The following DCC variants were observed in gnomAD, a reference collection of about 807,000 sequenced individuals.
DCC encodes the protein DCC netrin 1 receptor.
In DCC, 58 loss-of-function variants were observed where a neutral mutation model predicts 172.5. The observed-to-expected ratio is 0.34, with a 90% CI of 0.27 to 0.42. The LOEUF (loss-of-function observed/expected upper bound fraction) is 0.42. Ranked by LOEUF, DCC falls within the 10% of genes least tolerant of loss-of-function variation. DCC has a pLI of 1.00. For missense variants in DCC, 1,740 were observed against 1,791.0 expected (o/e 0.97, Z 0.51); for synonymous variants, 709 against 644.5 (o/e 1.10, Z -1.52).
chr18:52,584,980 A>G (rs1283401978), intron 1 of DCC, among the ~76,000 whole-genome samples: 1 of 152,200 alleles, frequency 6.6e-6, no homozygotes, highest in Non-Finnish European at 1.5e-5. Flanking sequence ...ATTACTAAAC[A>G]TTTAGAACTT....
chr18:53,278,894 A>G (rs931880161), intron 12 of DCC, among the ~76,000 whole-genome samples: 1 of 152,126 alleles, frequency 6.6e-6, no homozygotes, highest in Non-Finnish European at 1.5e-5. Context: ...TAAGTGTTGG[A>G]ATTGTGACTT....
chr18:52,756,186 C>T (rs1243383670), intron 2 of DCC, among the ~76,000 whole-genome samples: 1 of 152,188 alleles, frequency 6.6e-6, no homozygotes, highest in African/African-American at 2.4e-5. Flanking sequence ...TAAAATGCTG[C>T]AGTGTTTCTG....
chr18:52,947,460 G>A (rs1568204503), intron 5 of DCC, among the ~76,000 whole-genome samples: 2 of 152,230 alleles, frequency 1.3e-5, no homozygotes, highest in East Asian at 3.9e-4. Context: ...GACTTGAGGG[G>A]TAGTAGGAGA....
intron 2 of DCC, among the ~76,000 whole-genome samples, chr18:52,801,797 C>T (rs1421261820): frequency 6.6e-6 from 1 of 152,142 alleles, no homozygotes; most frequent in East Asian, 1.9e-4. Context: ...AAACTAGATT[C>T]CAAATTGCCC....
intron 15 of DCC, among the ~76,000 whole-genome samples, chr18:53,347,835 AC>A (rs1414840097): frequency 1.3e-5 from 2 of 152,142 alleles, no homozygotes; most frequent in African/African-American, 4.8e-5. Context: ...CCTTTAAAAA[AC>A]CATGAGATCT....
At chr18:52,553,356 C>T (rs1355438951) in intron 1 of DCC, among the ~76,000 whole-genome samples, 1 of 151,956 alleles carries the variant, frequency 6.6e-6, no homozygotes, top group Admixed American at 6.6e-5. Flanking sequence ...TTTGACTTGA[C>T]CATCATAGAA....
rs544718581 is a variant in DCC at position 52,892,030 on chromosome 18, G to A, written c.413-14014G>A. 9.2e-5 allele frequency among the ~76,000 whole-genome samples: 14 copies of A among 152,182 alleles called. No individual in the cohort carries two copies. The South Asian group carries it at 2.9e-3, about 32-fold the overall frequency. On this transcript the variant is annotated intron_variant, in intron 2 of 28. Transcript: ENST00000442544. ...TAAAATGCAGACTTACTAAAGTGGTGGATGACATCTGAATTATCCACCCTG... is the reference window on the plus strand; with the variant it reads ...TAAAATGCAGACTTACTAAAGTGGTAGATGACATCTGAATTATCCACCCTG...
chr18:52,825,906 A>G (rs1438550034), intron 2 of DCC, among the ~76,000 whole-genome samples: 1 of 152,016 alleles, frequency 6.6e-6, no homozygotes, highest in Non-Finnish European at 1.5e-5. Flanking sequence ...GTGATGACTT[A>G]TAGTTTAGAA....
chr18:53,196,213 G>C (rs2055440821), intron 9 of DCC, among the ~76,000 whole-genome samples: 1 of 152,076 alleles, frequency 6.6e-6, no homozygotes, highest in Non-Finnish European at 1.5e-5. Flanking sequence ...GGTGTGTGTA[G>C]GTAGTTTTTG....
In DCC at chr18:53,288,634, G is replaced by A. The variant is rs182426752; in HGVS notation, c.1912-16944G>A. 9.2e-5 allele frequency among the ~76,000 whole-genome samples: 14 copies of A among 152,144 alleles called. No homozygotes were observed. The East Asian group carries it at 2.7e-3, about 29-fold the overall frequency. ...TAATTAAAATTATAGCCAACTACAG[G>A]TGCTGCTAATTGTTAATCAATTAGA... is the stretch of plus-strand genomic sequence containing the variant. On this transcript the variant is annotated intron_variant, in intron 12 of 28. Coordinates refer to ENST00000442544, the MANE Select transcript of DCC (RefSeq NM_005215.4).
chr18:52,878,902 A>T (rs1411943482), intron 2 of DCC, among the ~76,000 whole-genome samples: 1 of 152,242 alleles, frequency 6.6e-6, no homozygotes, highest in African/African-American at 2.4e-5. Context: ...CAAAACTTCC[A>T]TGGGTGTAGA....
chr18:53,055,973 T>C (rs926475979), intron 5 of DCC, among the ~76,000 whole-genome samples: 3 of 152,142 alleles, frequency 2.0e-5, no homozygotes, highest in South Asian at 2.1e-4. Context: ...ACAAGTCTCT[T>C]AGAAATACCG....
intron 2 of DCC, among the ~76,000 whole-genome samples, chr18:52,861,273 C>G (rs984863168): frequency 4.6e-5 from 7 of 152,114 alleles, no homozygotes; most frequent in African/African-American, 1.7e-4. Flanking sequence ...GACAAGGTAC[C>G]AGGCCAGCCT....
At chr18:52,369,780 A>G (rs1390500752) in intron 1 of DCC, among the ~76,000 whole-genome samples, 1 of 152,118 alleles carries the variant, frequency 6.6e-6, no homozygotes, top group Non-Finnish European at 1.5e-5. Context: ...TCATGACTAT[A>G]TATCTCAGAG....
chr18:52,657,918 T>G (rs926824077), intron 1 of DCC, among the ~76,000 whole-genome samples: 2 of 152,206 alleles, frequency 1.3e-5, no homozygotes, highest in Non-Finnish European at 1.5e-5. Flanking sequence ...GTGATACAGA[T>G]GAACCGCGTT....
intron 17 of DCC, among the ~76,000 whole-genome samples, chr18:53,392,321 A>G (rs2145010731): frequency 7.7e-6 from 1 of 130,008 alleles, no homozygotes; most frequent in Middle Eastern, 3.9e-3. Flanking sequence ...CTGGGAATAG[A>G]TAAGTTGAAG....
At chr18:52,697,793 C>T (rs957084764) in intron 1 of DCC, among the ~76,000 whole-genome samples, 9 of 152,110 alleles carry the variant, frequency 5.9e-5, no homozygotes, top group African/African-American at 2.2e-4. Flanking sequence ...CCAAGAGATT[C>T]CATTGTAGAA....
intron 15 of DCC, among the ~76,000 whole-genome samples, chr18:53,365,466 AAG>A (rs1447213182): frequency 2.0e-5 from 3 of 151,734 alleles, no homozygotes; most frequent in Non-Finnish European, 4.4e-5. Context: ...AAAAAGAAAA[AAG>A]CAGCAAACTT....
intron 15 of DCC, among the ~76,000 whole-genome samples, chr18:53,366,401 AT>A: frequency 6.6e-6 from 1 of 152,102 alleles, no homozygotes; most frequent in African/African-American, 2.4e-5. Context: ...TTAGCTAGTC[AT>A]TTTTTCATTC....
Sources: allele counts gnomAD v4.1 joint callset (sites outside exome capture counted in the v4.1 genomes callset), GRCh38; gene constraint gnomAD v4.1.1; transcripts MANE v1.5; gene names NCBI Gene and HGNC (gene_info 2026-07-23, HGNC 2026-07-21).